UNC13C: variants seen among roughly 807,000 people sequenced by gnomAD.
The protein encoded by UNC13C is protein unc-13 homolog C.
Under a neutral mutation model 245.4 loss-of-function variants are expected in UNC13C, and 174 were observed. That is an observed-to-expected ratio of 0.71 (90% CI 0.63 to 0.80). UNC13C has a LOEUF of 0.80. UNC13C is among the 30% of genes least tolerant of loss of function. The pLI is 0.00. For synonymous variants in UNC13C, 992 were observed against 895.1 expected (o/e 1.11, Z -1.93); for missense variants, 2,829 against 2,602.9 (o/e 1.09, Z -1.89).
rs776383712 is a variant in UNC13C, at chr15:54,622,346, C to T, written c.6126C>T (p.Ala2042=). The T allele has an allele frequency of 2.0e-5, 33 of 1,612,978 alleles. No individual in the cohort carries two copies. Among genetic ancestry groups the T allele is most frequent in the South Asian group, 4.4e-5 (4 of 91,070 alleles). ...QTSQSRSSKD[A]VGQISVHVDI... Reference sequence around the variant, plus strand: ...TTTCAGGTCGTTCCTCCAAAGATGCCGTGGGTCAGATATCTGTTCATGTGG... The same window carrying T: ...TTTCAGGTCGTTCCTCCAAAGATGCTGTGGGTCAGATATCTGTTCATGTGG... Residue 2042 remains alanine (A), a synonymous_variant, in exon 31 of 33, where the codon GCC becomes GCT. Transcript: ENST00000260323.
In UNC13C at chr15:53,978,510, C is replaced by A. The variant is rs1377814382; in HGVS notation, c.-674C>A. Among the ~76,000 whole-genome samples, 1 of 152,138 alleles carries A rather than the reference C, an allele frequency of 6.6e-6. No homozygotes were observed. Among genetic ancestry groups the A allele is most frequent in the Non-Finnish European group, 1.5e-5 (1 of 68,020 alleles). ...CGCACTCAGCCCGGCTGCTCCTCACCCTCAAATGTTGATGAGCCTGGGCGC... is the reference window on the plus strand; with the variant it reads ...CGCACTCAGCCCGGCTGCTCCTCACACTCAAATGTTGATGAGCCTGGGCGC... On this transcript the variant is annotated 5_prime_UTR_variant, in exon 1 of 33. Coordinates refer to ENST00000260323, the MANE Select transcript of UNC13C (RefSeq NM_001080534.3).
intron 4 of UNC13C, among the ~76,000 whole-genome samples, chr15:54,149,153 C>T (rs1230251232): frequency 1.3e-5 from 2 of 152,144 alleles, no homozygotes; most frequent in African/African-American, 4.8e-5. Flanking sequence ...CTTTCTTCCC[C>T]TTTGGCTTCT....
intron 4 of UNC13C, among the ~76,000 whole-genome samples, chr15:54,159,395 C>A (rs2032882803): frequency 6.6e-6 from 1 of 152,200 alleles, no homozygotes; most frequent in African/African-American, 2.4e-5. Flanking sequence ...AAAACCAAGT[C>A]AACACTTTAT....
chr15:54,391,861 A>G (rs1258566044), intron 17 of UNC13C, among the ~76,000 whole-genome samples: 1 of 152,150 alleles, frequency 6.6e-6, no homozygotes, highest in African/African-American at 2.4e-5. Context: ...TAATTAAATG[A>G]CAACTCAACA....
chr15:54,377,450 C>G (rs757597889), intron 17 of UNC13C, among the ~76,000 whole-genome samples: 1 of 152,180 alleles, frequency 6.6e-6, no homozygotes, highest in Admixed American at 6.5e-5. Flanking sequence ...GCTATTCAGC[C>G]TCTGTCATGA....
At chr15:53,981,977 T>C (rs1893945628) in intron 1 of UNC13C, among the ~76,000 whole-genome samples, 1 of 152,142 alleles carries the variant, frequency 6.6e-6, no homozygotes, top group Non-Finnish European at 1.5e-5. Context: ...TGGAAGAGAG[T>C]TTTATATTAT....
rs144252444 is a variant in UNC13C, at chr15:54,423,438, C to T, written c.4933+8371C>T. ...TATAATACAGCATATAGATAATTTC[C>T]CCAGCAATATTTGGAATTTGACACA... On this transcript the variant is annotated intron_variant, in intron 19 of 32. Coordinates refer to ENST00000260323, the MANE Select transcript of UNC13C (RefSeq NM_001080534.3). Among the ~76,000 whole-genome samples the T allele has an allele frequency of 4.0e-5, 6 of 151,608 alleles. No individual in the cohort carries two copies. The East Asian group carries it at 1.2e-3, about 30-fold the overall frequency.
At chr15:54,286,225 A>G (rs1035447516) in intron 10 of UNC13C, among the ~76,000 whole-genome samples, 1 of 152,212 alleles carries the variant, frequency 6.6e-6, no homozygotes, top group Non-Finnish European at 1.5e-5. Flanking sequence ...AGCTGGTACA[A>G]TACTATTTTA....
At chr15:54,591,200 T>C (rs186525236) in intron 30 of UNC13C, among the ~76,000 whole-genome samples, 1 of 152,316 alleles carries the variant, frequency 6.6e-6, no homozygotes, top group Admixed American at 6.5e-5. Flanking sequence ...TTAGCAAGTA[T>C]TTTGTTAAGG....
intron 2 of UNC13C, among the ~76,000 whole-genome samples, chr15:54,084,098 G>A (rs921447669): frequency 4.6e-5 from 7 of 152,180 alleles, no homozygotes; most frequent in Non-Finnish European, 5.9e-5. Context: ...CCTTTCTTCG[G>A]GGCTCCACGT....
chr15:53,924,166 C>T, the UNC13C span, among the ~76,000 whole-genome samples: 833 of 152,206 alleles, frequency 5.5e-3, 3 homozygotes, highest in African/African-American at 0.019. Flanking sequence ...GAGATCACAC[C>T]ATTGCACTCC....
chr15:54,065,443 G>A (rs891092031), intron 2 of UNC13C, among the ~76,000 whole-genome samples: 2 of 152,198 alleles, frequency 1.3e-5, no homozygotes, highest in African/African-American at 4.8e-5. Flanking sequence ...CCATGCTAAG[G>A]TGACACAGAA....
chr15:54,381,797 C>G (rs1242538136), intron 17 of UNC13C, among the ~76,000 whole-genome samples: 1 of 151,986 alleles, frequency 6.6e-6, no homozygotes, highest in African/African-American at 2.4e-5. Flanking sequence ...AACTTCAACA[C>G]AGTAATAATG....
At chr15:54,536,782 G>T (rs144636393) in intron 26 of UNC13C, among the ~76,000 whole-genome samples, 2 of 151,572 alleles carry the variant, frequency 1.3e-5, no homozygotes, top group African/African-American at 4.8e-5. Context: ...ATTCAACATC[G>T]CCTCATGTTA....
intron 30 of UNC13C, among the ~76,000 whole-genome samples, chr15:54,576,363 T>G (rs1897955545): frequency 6.6e-6 from 1 of 152,168 alleles, no homozygotes; most frequent in South Asian, 2.1e-4. Flanking sequence ...AATAATTGGG[T>G]GTAGTTCCTT....
the UNC13C span, among the ~76,000 whole-genome samples, chr15:53,899,981 C>A: frequency 1.3e-4 from 20 of 152,280 alleles, no homozygotes; most frequent in African/African-American, 4.6e-4. Flanking sequence ...TCTTCGTTTT[C>A]TGCCATATGT....
chr15:54,100,004 G>T lies in UNC13C; in HGVS notation c.2984-43014G>T, dbSNP rs1288489180. ...AATCCCAGCTATTCAGGAGGCTGGG[G>T]TATGAGAATTACTTGAACCTGGGAG... On this transcript the variant is annotated intron_variant, in intron 2 of 32. Transcript: ENST00000260323. 5.9e-5 allele frequency among the ~76,000 whole-genome samples: 9 copies of T among 151,282 alleles called. No homozygotes were observed. The South Asian group carries it at 1.7e-3, about 28-fold the overall frequency.
chr15:54,166,275 C>T (rs750194740), intron 4 of UNC13C, among the ~76,000 whole-genome samples: 7 of 151,772 alleles, frequency 4.6e-5, no homozygotes, highest in African/African-American at 1.2e-4. Flanking sequence ...AGCAAACATT[C>T]GTATATTTAG....
At chr15:54,115,630 A>G (rs1224267153) in intron 2 of UNC13C, among the ~76,000 whole-genome samples, 13 of 152,166 alleles carry the variant, frequency 8.5e-5, no homozygotes, top group Non-Finnish European at 1.8e-4. Context: ...AAATAATTTT[A>G]TTTTAATTTT....
Sources: gnomAD v4.1 joint callset for allele counts (sites outside exome capture counted in the v4.1 genomes callset) on GRCh38, gnomAD v4.1.1 for gene constraint, MANE v1.5 for transcripts, NCBI Gene and HGNC (gene_info 2026-07-23, HGNC 2026-07-21) for gene names.